The following ABHD5 variants were observed in gnomAD, a reference collection of about 807,000 sequenced individuals.
ABHD5 encodes the protein 1-acylglycerol-3-phosphate O-acyltransferase ABHD5.
A neutral mutation model predicts 44.9 loss-of-function variants in ABHD5; 30 were observed. The ratio of observed to expected loss-of-function variants is 0.67; its 90% CI spans 0.50 to 0.91. The LOEUF (loss-of-function observed/expected upper bound fraction) is 0.91, where lower values mean the gene tolerates loss of function less well. Ranked by LOEUF, ABHD5 falls within the 40% of genes least tolerant of loss-of-function variation. ABHD5 has a pLI of 0.00. For missense variants in ABHD5, 399 were observed against 423.4 expected (o/e 0.94, Z 0.50); for synonymous variants, 167 against 147.0 (o/e 1.14, Z -0.99).
intron 5 of ABHD5, among the ~76,000 whole-genome samples, chr3:43,716,472 T>G (rs1559418402): frequency 6.6e-6 from 1 of 152,120 alleles, no homozygotes; most frequent in Non-Finnish European, 1.5e-5. Context: ...CTCTTTTATT[T>G]CCTCCCTCAC....
intron 7 of ABHD5, among the ~76,000 whole-genome samples, chr3:43,733,057 A>G (rs980183779): frequency 1.3e-5 from 2 of 152,202 alleles, no homozygotes; most frequent in African/African-American, 4.8e-5. Flanking sequence ...GTCTAACAAG[A>G]CAGCAGTTAC....
chr3:43,712,220 T>A lies in ABHD5; in HGVS notation c.661+357T>A, dbSNP rs147035026. Among the ~76,000 whole-genome samples, 98 of 152,268 alleles carry A rather than the reference T, an allele frequency of 6.4e-4. 2 individuals carry two copies. The highest frequency in any genetic ancestry group is 2.3e-3 in the African/African-American group (95 of 41,564). ...CAGGGCCTGGGAGAAGTGTAGCATG[T>A]TGCCCTGCTGGTGAGCACTGGAGAG... On this transcript the variant is annotated intron_variant, in intron 4 of 6. Coordinates refer to ENST00000644371, the MANE Select transcript of ABHD5 (RefSeq NM_016006.6).
chr3:43,713,376 G>C (rs891142282), intron 4 of ABHD5, among the ~76,000 whole-genome samples: 32 of 151,624 alleles, frequency 2.1e-4, no homozygotes, highest in African/African-American at 7.5e-4. Flanking sequence ...GATGGGTTCT[G>C]TTAGTGAGAA....
At chr3:43,732,346 C>G (rs1200089639) in intron 7 of ABHD5, among the ~76,000 whole-genome samples, 1 of 152,086 alleles carries the variant, frequency 6.6e-6, no homozygotes, top group Non-Finnish European at 1.5e-5. Flanking sequence ...AGGAGACTCG[C>G]TTGAACCTGG....
At chr3:43,704,033 C>CTTTTTTTTTTTTTT (rs10544525) in intron 3 of ABHD5, among the ~76,000 whole-genome samples, 76 of 84,854 alleles carry the variant, frequency 9.0e-4, no homozygotes, top group Non-Finnish European at 1.3e-3. Flanking sequence ...TCTTTATTTT[C>CTTTTTTTTTTTTTT]TTTTTTTTTT....
Position 43,730,942 on chromosome 3 carries a change from C to T in ABHD5, c.*30-2938C>T, listed in dbSNP as rs963842862. 1.3e-4 allele frequency among the ~76,000 whole-genome samples: 20 copies of T among 152,272 alleles called. No individual in the cohort carries two copies. In the Middle Eastern group the frequency reaches 0.01, roughly 78 times the overall value. The stretch of plus-strand genomic sequence containing the variant: ...CTCCTGGGTTCAAGCAATTCTCCTG[C>T]CTTAGCCTCCTGAGTAGCTGCGACT... On this transcript the variant is annotated intron_variant, in intron 7 of 7. Transcript: ENST00000454293.
rs1296894432 is a variant in ABHD5, at chr3:43,717,671, T to C, written c.774T>C (p.Ser258=). ...YIYHCNVQTP[S]GETAFKNMTI... Reference sequence around the variant, plus strand: ...CGTGATTTTCTCCTTGCCGTTAAAGTGGTGAGACAGCTTTCAAGAATATGA... The same window carrying C: ...CGTGATTTTCTCCTTGCCGTTAAAGCGGTGAGACAGCTTTCAAGAATATGA... Residue 258 remains serine, a splice_region_variant and synonymous_variant, in exon 6 of 7, where the codon AGT becomes AGC. Coordinates refer to ENST00000644371, the MANE Select transcript of ABHD5 (RefSeq NM_016006.6). The C allele has an allele frequency of 6.2e-7, 1 of 1,614,168 alleles. No homozygotes were observed. The highest frequency in any genetic ancestry group is 8.5e-7 in the Non-Finnish European group (1 of 1,180,022).
At chr3:43,708,575 A>G (rs1281479556) in intron 3 of ABHD5, among the ~76,000 whole-genome samples, 2 of 152,188 alleles carry the variant, frequency 1.3e-5, no homozygotes, top group South Asian at 2.1e-4. Flanking sequence ...TATTCTTGCT[A>G]CTGTAACTAG....
In ABHD5 at chr3:43,731,940, A is replaced by G. The variant is rs141246582; in HGVS notation, c.*30-1940A>G. On this transcript the variant is annotated intron_variant, in intron 7 of 7. Coordinates refer to the ABHD5 transcript ENST00000454293. ...GGGACCCCTCTGAATGCAGCGCCCCATGCAGTTGCACAGCTCATGTGCCCA... is the reference window on the plus strand; with the variant it reads ...GGGACCCCTCTGAATGCAGCGCCCCGTGCAGTTGCACAGCTCATGTGCCCA... 4.7e-3 allele frequency among the ~76,000 whole-genome samples: 720 copies of G among 152,316 alleles called. 6 individuals carry two copies. The highest frequency in any genetic ancestry group is 0.017 in the African/African-American group (687 of 41,576).
intron 7 of ABHD5, among the ~76,000 whole-genome samples, chr3:43,729,105 C>T (rs563720947): frequency 6.6e-6 from 1 of 152,260 alleles, no homozygotes; most frequent in South Asian, 2.1e-4. Context: ...AGACAGAGGT[C>T]CCAGGAGATC....
chr3:43,699,125 T>A, intron 1 of ABHD5, 151 bp from the exon 2 acceptor site: 1 of 718,548 alleles, frequency 1.4e-6, no homozygotes. Flanking sequence ...ACCACCATGC[T>A]TTGTGCATGT....
chr3:43,703,427 C>T (rs2084570399), intron 3 of ABHD5, among the ~76,000 whole-genome samples: 3 of 152,138 alleles, frequency 2.0e-5, no homozygotes, highest in Admixed American at 6.5e-5. Flanking sequence ...GATCCACCCC[C>T]CTCGGCCTCC....
chr3:43,714,367 T>G (rs369201563), intron 4 of ABHD5, among the ~76,000 whole-genome samples: 1 of 152,036 alleles, frequency 6.6e-6, no homozygotes, highest in African/African-American at 2.4e-5. Flanking sequence ...ACTCCTGACC[T>G]TGTGATCCGC....
rs1261684861 is a variant in ABHD5 at position 43,720,204 on chromosome 3, C to T, written c.*1672C>T. Reference sequence around the variant, plus strand: ...GTATTTTGGATGGCCAGGTTTCAAACCTGTATGTGGTACAAATAATTTGGG... The same window carrying T: ...GTATTTTGGATGGCCAGGTTTCAAATCTGTATGTGGTACAAATAATTTGGG... On this transcript the variant is annotated 3_prime_UTR_variant, in exon 7 of 7. Coordinates refer to ENST00000644371, the MANE Select transcript of ABHD5 (RefSeq NM_016006.6). The T allele has an allele frequency of 6.6e-6, 1 of 152,150 alleles. No individual in the cohort carries two copies. The highest frequency in any genetic ancestry group is 1.5e-5 in the Non-Finnish European group (1 of 68,014). 9.4% of individuals were successfully genotyped at this position (152,150 alleles called of 1,614,324 possible).
At chr3:43,702,111 G>A in intron 2 of ABHD5, 104 bp from the exon 3 acceptor site, 1 of 953,266 alleles carries the variant, frequency 1.0e-6, no homozygotes. Flanking sequence ...CTAAAATCAT[G>A]AGATTGGATA....
chr3:43,717,978 A>G (rs933757401), intron 6 of ABHD5, 121 bp downstream of exon 6: 6 of 1,308,310 alleles, frequency 4.6e-6, no homozygotes, highest in Non-Finnish European at 5.4e-6. Context: ...CTGCAGCCTC[A>G]GTCGGGGACG....
At chr3:43,723,368 T>A (rs1273131634), downstream of ABHD5, among the ~76,000 whole-genome samples, 1 of 152,152 alleles carries the variant, frequency 6.6e-6, no homozygotes, top group African/African-American at 2.4e-5. Context: ...AGGAATAAGA[T>A]TAGGAAATCG....
chr3:43,724,053 A>C (rs967594553), downstream of ABHD5, among the ~76,000 whole-genome samples: 1 of 152,160 alleles, frequency 6.6e-6, no homozygotes, highest in African/African-American at 2.4e-5. Context: ...AAATGAGCAG[A>C]GTGTTATGTT....
downstream of ABHD5, among the ~76,000 whole-genome samples, chr3:43,724,440 C>T (rs2084864530): frequency 1.3e-5 from 2 of 152,086 alleles, no homozygotes; most frequent in Non-Finnish European, 2.9e-5. Context: ...TGCTTCACAC[C>T]ACTGACAGCA....
Sources: gnomAD v4.1 joint callset for allele counts (sites outside exome capture counted in the v4.1 genomes callset) on GRCh38, gnomAD v4.1.1 for gene constraint, MANE v1.5 for transcripts, NCBI Gene and HGNC (gene_info 2026-07-23, HGNC 2026-07-21) for gene names.